The following SUPT7L variants were observed in gnomAD, a reference collection of about 807,000 sequenced individuals.
SUPT7L encodes SPT7 like, STAGA complex subunit gamma.
SUPT7L carries 15 observed loss-of-function variants against 35.7 expected under a neutral mutation model. That is an observed-to-expected ratio of 0.42 (90% CI 0.28 to 0.65). SUPT7L has a LOEUF of 0.65. Ranked by LOEUF, SUPT7L falls within the 30% of genes least tolerant of loss-of-function variation. The probability of loss-of-function intolerance (pLI) is 0.23; values close to 1 mark genes in which losing one functional copy is unlikely to be tolerated. For synonymous variants in SUPT7L, 168 were observed against 186.2 expected (o/e 0.90, Z 0.79); for missense variants, 434 against 522.2 (o/e 0.83, Z 1.65).
At position 27,651,637 on chromosome 2, in the gene SUPT7L, T is replaced by TA. The variant is rs1411653303; in HGVS notation, c.*1847dup. 6.6e-6 allele frequency: 1 copy of TA among 152,250 alleles called. No homozygotes were observed. Among genetic ancestry groups the TA allele is most frequent in the Non-Finnish European group, 1.5e-5 (1 of 68,034 alleles). The allele number at this position is 152,250 out of a possible 1,614,324, so 9.4% of individuals were successfully genotyped here. ...TTCTCTGTAGTACTTTTGAATGCTT[T>TA]ATCTTCCTTACAGAATAACTTGTCT... is the stretch of plus-strand genomic sequence containing the variant. On this transcript the variant is annotated 3_prime_UTR_variant, in exon 6 of 6. Coordinates refer to ENST00000337768, the MANE Select transcript of SUPT7L (RefSeq NM_014860.3).
In SUPT7L at chr2:27,661,114, C is replaced by T. The variant is rs753562086; in HGVS notation, c.289G>A (p.Glu97Lys). The T allele has an allele frequency of 1.2e-6, 2 of 1,614,164 alleles. No individual in the cohort carries two copies. The highest frequency in any genetic ancestry group is 1.7e-5 in the Admixed American group (1 of 60,026). ...NQQQTEGVKT[E>K]ESEPLPSCPG... The stretch of plus-strand genomic sequence containing the variant: ...CACGAGGGAAGAGGTTCACTCTCTT[C>T]AGTTTTTACACCTTCTGTCTGCTGC... Residue 97 changes from glutamate to lysine, a missense_variant, in exon 3 of 6, where the codon GAA becomes AAA. By Grantham distance (56) the Glu-to-Lys change is moderately conservative (BLOSUM62 1). This residue lies in a region of SUPT7L where 198 missense variants were observed against 190.8 expected (regional missense o/e 1.04). Coordinates refer to ENST00000337768, the MANE Select transcript of SUPT7L (RefSeq NM_014860.3).
At chr2:27,662,415 CT>C (rs1265614280) in intron 1 of SUPT7L, 134 bp from the exon 2 acceptor site, 1 of 531,724 alleles carries the variant, frequency 1.9e-6, no homozygotes, top group Non-Finnish European at 3.4e-6. Context: ...TACCTTTGTT[CT>C]AACAACATTA....
downstream of SUPT7L, among the ~76,000 whole-genome samples, chr2:27,648,733 T>A (rs1202104157): frequency 6.6e-6 from 1 of 152,166 alleles, no homozygotes; most frequent in Non-Finnish European, 1.5e-5. Context: ...CCTCCCGGGT[T>A]CAAGTGATTC....
intron 2 of SUPT7L, chr2:27,661,889 G>T (rs1291606933): frequency 2.3e-5 from 11 of 484,442 alleles, no homozygotes; most frequent in Non-Finnish European, 4.1e-5. Flanking sequence ...ATAAGAAGTG[G>T]TTCTTACTCT....
At chr2:27,662,671 G>T (rs1349132282) in intron 1 of SUPT7L, among the ~76,000 whole-genome samples, 1 of 152,190 alleles carries the variant, frequency 6.6e-6, no homozygotes, top group Non-Finnish European at 1.5e-5. Flanking sequence ...TATCGCAATA[G>T]ATTTTTTCTG....
At chr2:27,646,281 A>T (rs1674226174), downstream of SUPT7L, among the ~76,000 whole-genome samples, 1 of 152,112 alleles carries the variant, frequency 6.6e-6, no homozygotes. Context: ...ACCTCAGGTG[A>T]TCTGCCCATT....
rs762564942 is a variant in SUPT7L at position 27,655,654 on chromosome 2, A to G, written c.745-52T>C. ...CAAGGAAATGTTAAAAGCAAGTTGG[A>G]TAGTCAGCTTGTGACGTCCCATGGA... is the stretch of plus-strand genomic sequence containing the variant. On this transcript the variant is annotated intron_variant, in intron 4 of 5. Transcript: ENST00000337768. 4 of 1,477,954 alleles carry G rather than the reference A, an allele frequency of 2.7e-6. No homozygotes were observed. The Admixed American group carries it at 6.5e-5, about 24-fold the overall frequency. The allele number at this position is 1,477,954 out of a possible 1,614,324, so 91.6% of individuals were successfully genotyped here. A position where few individuals can be genotyped will look rare whatever the true frequency, so the allele number is the denominator to read the frequency against.
chr2:27,643,379 TTGAG>T, the SUPT7L span, among the ~76,000 whole-genome samples: 3 of 152,084 alleles, frequency 2.0e-5, no homozygotes, highest in Admixed American at 6.5e-5. The surrounding 1 kb of genome is among the most constrained non-coding windows in gnomAD (Gnocchi z 4.0). Flanking sequence ...CCTGAATCAT[TTGAG>T]TAAGTTACAG....
chr2:27,653,451 G>C lies in SUPT7L; in HGVS notation c.*34C>G, dbSNP rs1278562463. The C allele has an allele frequency of 2.5e-6, 4 of 1,600,690 alleles. No individual in the cohort carries two copies. The highest frequency in any genetic ancestry group is 3.4e-6 in the Non-Finnish European group (4 of 1,173,550). On this transcript the variant is annotated 3_prime_UTR_variant, in exon 6 of 6. Transcript: ENST00000337768. ...ACAAAAACCTTTTCTGTTGGGTCTA[G>C]TAGGTCTGGACAAAACATCTCCCTC...
downstream of SUPT7L, chr2:27,647,925 G>C (rs1188330500): frequency 5.6e-6 from 9 of 1,607,746 alleles, no homozygotes; most frequent in Non-Finnish European, 6.0e-6. Flanking sequence ...CAGCGATACT[G>C]ATGACATTGA....
the SUPT7L span, among the ~76,000 whole-genome samples, chr2:27,645,685 G>A: frequency 6.6e-6 from 1 of 151,436 alleles, no homozygotes; most frequent in Non-Finnish European, 1.5e-5. Context: ...TTGACCAAGA[G>A]TTTTTGCCTG....
At chr2:27,643,831 T>G in the SUPT7L span, among the ~76,000 whole-genome samples, 1 of 152,222 alleles carries the variant, frequency 6.6e-6, no homozygotes, top group Non-Finnish European at 1.5e-5. This position sits in a 1 kb window ranked among gnomAD's most constrained non-coding sequence, Gnocchi z 4.0. Flanking sequence ...TTACTGGTGA[T>G]GTTAACTTTG....
chr2:27,645,562 G>A, the SUPT7L span, among the ~76,000 whole-genome samples: 2 of 152,204 alleles, frequency 1.3e-5, no homozygotes, highest in East Asian at 3.9e-4. Flanking sequence ...AGACCACAGA[G>A]TGTCTTTGTA....
At chr2:27,661,580 T>C (rs1020071719) in intron 2 of SUPT7L, 192 bp from the exon 3 acceptor site, 7 of 1,426,412 alleles carry the variant, frequency 4.9e-6, no homozygotes, top group Admixed American at 3.0e-5. Context: ...TCAGCAAAAC[T>C]GTAGGACCAA....
rs995495647 is a variant in SUPT7L, at chr2:27,651,394, A to C, written c.*2091T>G. 1 of 152,356 alleles carries C rather than the reference A, an allele frequency of 6.6e-6. No individual in the cohort carries two copies. The highest frequency in any genetic ancestry group is 1.9e-4 in the East Asian group (1 of 5,332). 9.4% of individuals were successfully genotyped at this position (152,356 alleles called of 1,614,324 possible). ...TATGACATAATTCCAGACCAGGTGA[A>C]TCTCAAGATACTAATCCTCACATCA... On this transcript the variant is annotated 3_prime_UTR_variant, in exon 6 of 6. Transcript: ENST00000337768.
At chr2:27,647,664 A>G (rs539378922), downstream of SUPT7L, among the ~76,000 whole-genome samples, 1 of 152,354 alleles carries the variant, frequency 6.6e-6, no homozygotes, top group South Asian at 2.1e-4. Context: ...TTTGTGAACT[A>G]AGCTATTATA....
At chr2:27,661,659 A>G (rs775165685) in intron 2 of SUPT7L, 1 of 1,310,074 alleles carries the variant, frequency 7.6e-7, no homozygotes, top group Non-Finnish European at 9.7e-7. Context: ...TACTATGACA[A>G]TTCCTACTAC....
At position 27,652,788 on chromosome 2, in the gene SUPT7L, T is replaced by G. The variant is rs1674617466; in HGVS notation, c.*697A>C. ...TGAAAATATGTATATGGTGAAAGTA[T>G]GTGAGTCCGAGCAGAAATAACAAAG... On this transcript the variant is annotated 3_prime_UTR_variant, in exon 6 of 6. Coordinates refer to ENST00000337768, the MANE Select transcript of SUPT7L (RefSeq NM_014860.3). The G allele has an allele frequency of 6.5e-6, 1 of 152,690 alleles. No individual in the cohort carries two copies. Among genetic ancestry groups the G allele is most frequent in the African/African-American group, 2.4e-5 (1 of 41,432 alleles). The allele number at this position is 152,690 out of a possible 1,614,324, so 9.5% of individuals were successfully genotyped here. A position where few individuals can be genotyped will look rare whatever the true frequency, so the allele number is the denominator to read the frequency against.
downstream of SUPT7L, among the ~76,000 whole-genome samples, chr2:27,646,721 T>G (rs552850291): frequency 2.0e-5 from 3 of 152,328 alleles, no homozygotes; most frequent in South Asian, 6.2e-4. Flanking sequence ...TATTTTTTCT[T>G]CTCATCAGCA....
Sources: gnomAD v4.1 joint callset for allele counts (sites outside exome capture counted in the v4.1 genomes callset) on GRCh38, gnomAD v4.1.1 for gene constraint, gnomAD v4.1.1 regional missense constraint, Gnocchi (gnomAD v3.1) non-coding constraint, MANE v1.5 for transcripts, NCBI Gene and HGNC (gene_info 2026-07-23, HGNC 2026-07-21) for gene names.